TMEM255B: variants seen among roughly 807,000 people sequenced by gnomAD.
TMEM255B encodes the protein transmembrane protein 255B.
A neutral mutation model predicts 34.5 loss-of-function variants in TMEM255B; 35 were observed. The observed-to-expected ratio is 1.01, with a 90% CI of 0.77 to 1.34. The LOEUF (loss-of-function observed/expected upper bound fraction) is 1.34, where lower values mean the gene tolerates loss of function less well. TMEM255B is among the 40% of genes most tolerant of loss of function. TMEM255B has a pLI of 0.00. For missense variants in TMEM255B, 432 were observed against 433.2 expected, an observed-to-expected ratio of 1.00 and a Z score of 0.02; for synonymous variants, 206 against 201.2, an observed-to-expected ratio of 1.02 and a Z score of -0.20.
At position 113,805,021 on chromosome 13, in the gene TMEM255B, C is replaced by A; in HGVS notation, c.806C>A (p.Pro269His). The change falls in exon 8 of 9, where the codon CCC (proline) becomes CAC (histidine). Residue 269 changes from proline (P) to histidine (H), a missense_variant. Coordinates refer to ENST00000375353, the MANE Select transcript of TMEM255B (RefSeq NM_182614.4). ...CCGACCTGCTCGTCCTACCCTCTGC[C>A]CCTTCAGGTAGGGCCAGCATCACCT... ...PVPTCSSYPL[P>H]LQPCSRFPVA... is the part of the protein sequence containing the mutation. The A allele has an allele frequency of 6.2e-7, 1 of 1,600,458 alleles. No individual in the cohort carries two copies.
At chr13:113,805,143 T>G (rs753941213) in intron 8 of TMEM255B, 115 bp downstream of exon 8, 1 of 1,257,988 alleles carries the variant, frequency 7.9e-7, no homozygotes, top group African/African-American at 1.6e-5. Flanking sequence ...CCTTCTGGAT[T>G]AGGGATGGGA....
intron 8 of TMEM255B, among the ~76,000 whole-genome samples, chr13:113,808,832 G>A (rs1429749216): frequency 4.2e-5 from 5 of 118,960 alleles, no homozygotes; most frequent in African/African-American, 6.7e-5. Flanking sequence ...GGTTTACTCC[G>A]TGGTTCCTGG....
At position 113,814,001 on chromosome 13, in the gene TMEM255B, A is replaced by G. The variant is rs1403480795; in HGVS notation, c.*2098A>G. ...AGGTTTCTGGAGCGCCGGGAGATGC[A>G]CTCACGAGCGCCTGTGGGGGAAGAA... On this transcript the variant is annotated 3_prime_UTR_variant, in exon 9 of 9. Transcript: ENST00000375353. 1 of 152,110 alleles carries G rather than the reference A, an allele frequency of 6.6e-6. No homozygotes were observed. Among genetic ancestry groups the G allele is most frequent in the East Asian group, 1.9e-4 (1 of 5,154 alleles). 9.4% of individuals were successfully genotyped at this position (152,110 alleles called of 1,614,324 possible).
At chr13:113,798,763 G>A (rs909942032) in intron 4 of TMEM255B, among the ~76,000 whole-genome samples, 4 of 152,030 alleles carry the variant, frequency 2.6e-5, no homozygotes, top group African/African-American at 4.8e-5. Context: ...GTGGATGGAT[G>A]GATGTGGATG....
Position 113,766,331 on chromosome 13 carries a change from G to A in TMEM255B, c.189+74G>A, listed in dbSNP as rs748161923. The A allele has an allele frequency of 4.0e-4, 645 of 1,599,356 alleles. 1 individual carries two copies. The highest frequency in any genetic ancestry group is 4.9e-4 in the Middle Eastern group (3 of 6,068). ...GTGGCTCTCTCAGGGTGGAGTCCAC[G>A]CCAGCTCACAGGGCTGGGGCTGAAG... On this transcript the variant is annotated intron_variant, in intron 2 of 8. Coordinates refer to ENST00000375353, the MANE Select transcript of TMEM255B (RefSeq NM_182614.4).
Position 113,815,761 on chromosome 13 carries a change from A to G in TMEM255B, c.*3858A>G, listed in dbSNP as rs2051394262. ...CTTATTAGCAGTGTGAAAACAGAAT[A>G]CTACAGTGGTCCATCCACACGCGGG... On this transcript the variant is annotated 3_prime_UTR_variant, in exon 9 of 9. Coordinates refer to ENST00000375353, the MANE Select transcript of TMEM255B (RefSeq NM_182614.4). 6.6e-6 allele frequency: 1 copy of G among 152,392 alleles called. No individual in the cohort carries two copies. Among genetic ancestry groups the G allele is most frequent in the Non-Finnish European group, 1.5e-5 (1 of 68,270 alleles). 9.4% of individuals were successfully genotyped at this position (152,392 alleles called of 1,614,324 possible). A position where few individuals can be genotyped will look rare whatever the true frequency, so the allele number is the denominator to read the frequency against.
At position 113,766,136 on chromosome 13, in the gene TMEM255B, A is replaced by G. The variant is rs141846175; in HGVS notation, c.68A>G (p.Lys23Arg). 122 of 1,614,086 alleles carry G rather than the reference A, an allele frequency of 7.6e-5. No individual in the cohort carries two copies. The highest frequency in any genetic ancestry group is 9.7e-5 in the Non-Finnish European group (115 of 1,180,040). ...ACAGAAGGGCTTTCGAGGAGGAAGA[A>G]GACGTCGCTCTGGTTTGTGGGGTCT... ...DPAEGLSRRKKTSLWFVGSLL... is the reference protein window; with the variant it reads ...DPAEGLSRRKRTSLWFVGSLL... The change falls in exon 2 of 9, where the codon AAG becomes AGG. Residue 23 changes from lysine to arginine, a missense_variant. Transcript: ENST00000375353.
At chr13:113,781,712 A>AT (rs886346763) in intron 3 of TMEM255B, among the ~76,000 whole-genome samples, 3 of 152,190 alleles carry the variant, frequency 2.0e-5, no homozygotes, top group African/African-American at 7.2e-5. Context: ...TCATAGTGGC[A>AT]TTTTATAAAG....
At chr13:113,768,294 A>G in intron 2 of TMEM255B, 1 of 458,010 alleles carries the variant, frequency 2.2e-6, no homozygotes, top group South Asian at 1.6e-5. Flanking sequence ...CATGTTCTTC[A>G]CACTGATTTT....
At chr13:113,767,087 C>T (rs990515284) in intron 2 of TMEM255B, among the ~76,000 whole-genome samples, 1 of 152,286 alleles carries the variant, frequency 6.6e-6, no homozygotes, top group South Asian at 2.1e-4. Flanking sequence ...TTTTAAAATG[C>T]GGCTTCTTCA....
At chr13:113,788,366 G>A (rs2138552789) in intron 3 of TMEM255B, among the ~76,000 whole-genome samples, 1 of 124,710 alleles carries the variant, frequency 8.0e-6, no homozygotes, top group South Asian at 2.9e-4. Flanking sequence ...GGGTGGGGAT[G>A]GGCAGAGGGG....
At position 113,813,687 on chromosome 13, in the gene TMEM255B, G is replaced by A. The variant is rs982362751; in HGVS notation, c.*1784G>A. 7.9e-5 allele frequency: 12 copies of A among 152,222 alleles called. No individual in the cohort carries two copies. Among genetic ancestry groups the A allele is most frequent in the African/African-American group, 2.9e-4 (12 of 41,466 alleles). 9.4% of individuals were successfully genotyped at this position (152,222 alleles called of 1,614,324 possible). A position where few individuals can be genotyped will look rare whatever the true frequency, so the allele number is the denominator to read the frequency against. On this transcript the variant is annotated 3_prime_UTR_variant, in exon 9 of 9. Coordinates refer to ENST00000375353, the MANE Select transcript of TMEM255B (RefSeq NM_182614.4). The stretch of plus-strand genomic sequence containing the variant: ...CAGCGCACATCCACACATGAACGGT[G>A]GCTGGCTGGGCCCAGGGGCCCTAAC...
At chr13:113,791,602 G>A (rs973545572) in intron 3 of TMEM255B, among the ~76,000 whole-genome samples, 4 of 152,334 alleles carry the variant, frequency 2.6e-5, no homozygotes, top group Non-Finnish European at 5.9e-5. Flanking sequence ...GAGCTGAGGC[G>A]CTGTCTGAGC....
chr13:113,772,797 A>G (rs567103360), intron 3 of TMEM255B, among the ~76,000 whole-genome samples: 1 of 152,314 alleles, frequency 6.6e-6, no homozygotes, highest in South Asian at 2.1e-4. Flanking sequence ...CACAGTCTTG[A>G]TTACTGTAGC....
intron 3 of TMEM255B, among the ~76,000 whole-genome samples, chr13:113,771,459 A>G (rs2050477002): frequency 6.6e-6 from 1 of 152,182 alleles, no homozygotes. Flanking sequence ...AGGTGGGCGG[A>G]TCACGAGTTC....
chr13:113,802,079 C>A (rs974245702), intron 7 of TMEM255B, among the ~76,000 whole-genome samples: 2 of 152,268 alleles, frequency 1.3e-5, no homozygotes, highest in Non-Finnish European at 2.9e-5. Context: ...AAACAATGTT[C>A]AGCTCCAAGA....
intron 6 of TMEM255B, 126 bp from the exon 7 acceptor site, chr13:113,801,527 G>A (rs754024664): frequency 1.8e-5 from 21 of 1,150,800 alleles, no homozygotes; most frequent in Middle Eastern, 2.0e-4. Flanking sequence ...AGGGATGGGC[G>A]TTGACTGGGC....
intron 2 of TMEM255B, among the ~76,000 whole-genome samples, chr13:113,767,784 C>T (rs1269359783): frequency 2.6e-5 from 4 of 152,166 alleles, no homozygotes; most frequent in South Asian, 2.1e-4. Flanking sequence ...GCGGCCAGAA[C>T]GTGAAAACAT....
chr13:113,762,875 G>A (rs566390027), intron 1 of TMEM255B, among the ~76,000 whole-genome samples: 4 of 152,366 alleles, frequency 2.6e-5, no homozygotes, highest in African/African-American at 7.2e-5. Context: ...TTATATGCAT[G>A]CAGTGCATTT....
Sources: gnomAD v4.1 joint callset for allele counts (sites outside exome capture counted in the v4.1 genomes callset) on GRCh38, gnomAD v4.1.1 for gene constraint, MANE v1.5 for transcripts, NCBI Gene and HGNC (gene_info 2026-07-23, HGNC 2026-07-21) for gene names.